The following METAP1 variants were observed in gnomAD, a reference collection of about 807,000 sequenced individuals.
METAP1 encodes the protein methionine aminopeptidase 1.
A neutral mutation model predicts 53.8 loss-of-function variants in METAP1; 28 were observed. That is an observed-to-expected ratio of 0.52 (90% CI 0.39 to 0.71). The LOEUF is 0.71. Ranked by LOEUF, METAP1 falls within the 30% of genes least tolerant of loss-of-function variation. The pLI, the probability that METAP1 is intolerant of heterozygous loss-of-function variation, is 0.00. For synonymous variants in METAP1, 181 were observed against 165.7 expected (o/e 1.09, Z -0.71); for missense variants, 389 against 479.8 (o/e 0.81, Z 1.77).
intron 1 of METAP1, among the ~76,000 whole-genome samples, chr4:99,006,500 T>C (rs1723185706): frequency 6.6e-6 from 1 of 152,176 alleles, no homozygotes; most frequent in Non-Finnish European, 1.5e-5. Context: ...TGTTGAAATA[T>C]TTTGGGAATA....
chr4:99,039,118 T>C, intron 4 of METAP1: 1 of 318,192 alleles, frequency 3.1e-6, no homozygotes, highest in South Asian at 6.5e-5. Context: ...TAATAAGTAC[T>C]CTATAAGTAT....
At position 99,061,285 on chromosome 4, in the gene METAP1, A is replaced by G; in HGVS notation, c.1129A>G (p.Ser377Gly). The G allele has an allele frequency of 1.2e-6, 2 of 1,613,848 alleles. No individual in the cohort carries two copies. The highest frequency in any genetic ancestry group is 8.5e-7 in the Non-Finnish European group (1 of 1,179,810). Residue 377 changes from serine (S) to glycine (G), a missense_variant, in exon 11 of 11, where the codon AGT becomes GGT. Ser to Gly is a moderately conservative substitution (Grantham distance 56). Coordinates refer to ENST00000296411, the MANE Select transcript of METAP1 (RefSeq NM_015143.3). ...GCEILTRRLD[S>G]ARPHFMSQF The stretch of plus-strand genomic sequence containing the variant: ...TGAAATCCTAACCCGGCGACTTGAC[A>G]GTGCACGGCCTCACTTCATGTCTCA...
Position 99,043,407 on chromosome 4 carries a change from T to C in METAP1, c.655+20T>C. On this transcript the variant is annotated intron_variant, in intron 7 of 10. Transcript: ENST00000296411. ...TTAATGGTAAGAAAAATATGTTACT[T>C]TCATCACCATGGGCAAAGAAACAAC... 1 of 1,567,000 alleles carries C rather than the reference T, an allele frequency of 6.4e-7. No homozygotes were observed. The highest frequency in any genetic ancestry group is 8.6e-7 in the Non-Finnish European group (1 of 1,156,144).
intron 1 of METAP1, among the ~76,000 whole-genome samples, chr4:98,997,020 T>G (rs1003108359): frequency 2.6e-5 from 4 of 152,214 alleles, no homozygotes; most frequent in Non-Finnish European, 5.9e-5. Flanking sequence ...TTTCACAAGC[T>G]TCTTCTGAGA....
chr4:98,998,380 G>A (rs1261840730), intron 1 of METAP1, among the ~76,000 whole-genome samples: 1 of 152,096 alleles, frequency 6.6e-6, no homozygotes, highest in Admixed American at 6.5e-5. Flanking sequence ...AAAATTAGCT[G>A]GGCGTGGTGG....
In METAP1 at chr4:99,034,324, C is replaced by T; in HGVS notation, c.261C>T (p.Leu87=). 2 of 1,531,628 alleles carry T rather than the reference C, an allele frequency of 1.3e-6. No homozygotes were observed. The highest frequency in any genetic ancestry group is 1.8e-6 in the Non-Finnish European group (2 of 1,129,052). The allele number at this position is 1,531,628 out of a possible 1,614,324, so 94.9% of individuals were successfully genotyped here. A position where few individuals can be genotyped will look rare whatever the true frequency, so the allele number is the denominator to read the frequency against. Residue 87 remains leucine, a synonymous_variant, in exon 3 of 11, where the codon CTC becomes CTT. Transcript: ENST00000296411. ...CAGGTTATCGATATACTGGTAAACTCAGACCACATTATCCACTGGTGAGTA... is the reference window on the plus strand; with the variant it reads ...CAGGTTATCGATATACTGGTAAACTTAGACCACATTATCCACTGGTGAGTA... The part of the protein sequence containing the change: ...PWAGYRYTGK[L]RPHYPLMPTR...
rs375089139 is a variant in METAP1 at position 99,039,437 on chromosome 4, A to G, written c.404A>G (p.Asp135Gly). 6.2e-7 allele frequency: 1 copy of G among 1,609,666 alleles called. No homozygotes were observed. The highest frequency in any genetic ancestry group is 1.7e-5 in the Admixed American group (1 of 59,914). The part of the protein sequence containing the change: ...TSQIKLLSSE[D>G]IEGMRLVCRL... ...CAGATTAAATTACTCTCATCTGAAG[A>G]TATAGAAGGGATGCGACTTGTATGT... is the stretch of plus-strand genomic sequence containing the variant. The change falls in exon 5 of 11, where the codon GAT (aspartate) becomes GGT (glycine). Residue 135 changes from aspartate to glycine, a missense_variant. Asp to Gly is a moderately conservative substitution (Grantham distance 94, BLOSUM62 -1). Coordinates refer to ENST00000296411, the MANE Select transcript of METAP1 (RefSeq NM_015143.3).
chr4:99,029,585 C>T (rs1405532517), intron 2 of METAP1, among the ~76,000 whole-genome samples: 1 of 152,126 alleles, frequency 6.6e-6, no homozygotes, highest in Non-Finnish European at 1.5e-5. Context: ...CAAGGGCTTT[C>T]TGTTCTATAT....
At chr4:99,057,308 C>T (rs1037150842) in intron 9 of METAP1, among the ~76,000 whole-genome samples, 2 of 152,218 alleles carry the variant, frequency 1.3e-5, no homozygotes, top group African/African-American at 4.8e-5. Context: ...TGCTTACCCC[C>T]CAAAGCGGTG....
At chr4:99,001,087 A>G (rs1356403486) in intron 1 of METAP1, among the ~76,000 whole-genome samples, 2 of 152,144 alleles carry the variant, frequency 1.3e-5, no homozygotes, top group Non-Finnish European at 2.9e-5. Context: ...TTGAAATGCA[A>G]CCCTGCCCTC....
chr4:99,045,110 T>C (rs1422763330), intron 7 of METAP1, 69 bp from the exon 8 acceptor site: 4 of 1,492,962 alleles, frequency 2.7e-6, no homozygotes, highest in South Asian at 1.2e-5. Flanking sequence ...GATGCTGTCA[T>C]GTTGGAAAAA....
At chr4:99,037,160 T>C (rs898484161) in intron 4 of METAP1, among the ~76,000 whole-genome samples, 62 of 151,952 alleles carry the variant, frequency 4.1e-4, no homozygotes, top group Admixed American at 3.3e-4. Flanking sequence ...TTTTTCCCTG[T>C]TAGAGTACTA....
rs529211726 is a variant in METAP1, at chr4:99,022,763, C to T, written c.115-6104C>T. The T allele has an allele frequency of 1.5e-5, 24 of 1,602,102 alleles. No homozygotes were observed. In the African/African-American group the frequency reaches 2.9e-4, roughly 20 times the overall value. ...GGTACCCATAGGCGTGTTGTGTAGA[C>T]TGGCCGCCACACTCTTGGCTATGCG... On this transcript the variant is annotated intron_variant, in intron 1 of 10. Coordinates refer to ENST00000296411, the MANE Select transcript of METAP1 (RefSeq NM_015143.3).
At chr4:98,997,108 A>G (rs1035310794) in intron 1 of METAP1, among the ~76,000 whole-genome samples, 1 of 152,234 alleles carries the variant, frequency 6.6e-6, no homozygotes, top group African/African-American at 2.4e-5. Context: ...GTACGATTTA[A>G]CTCTGCCATA....
chr4:99,006,108 C>T (rs1723165889), intron 1 of METAP1, among the ~76,000 whole-genome samples: 1 of 152,066 alleles, frequency 6.6e-6, no homozygotes, highest in African/African-American at 2.4e-5. Context: ...TTATTTTTGC[C>T]AGTCTGGAGT....
chr4:99,031,558 C>T (rs1169914077), intron 2 of METAP1: 16 of 1,288,766 alleles, frequency 1.2e-5, no homozygotes, highest in East Asian at 5.5e-5. Flanking sequence ...ACTTTGTGAC[C>T]ATGGGTTATT....
At chr4:99,022,896 T>G (rs1724238858) in intron 1 of METAP1, 1 of 1,513,868 alleles carries the variant, frequency 6.6e-7, no homozygotes. Flanking sequence ...AAACCAGTCC[T>G]CAGCCTGAAA....
At chr4:99,008,751 G>A (rs1723310088) in intron 1 of METAP1, among the ~76,000 whole-genome samples, 1 of 152,130 alleles carries the variant, frequency 6.6e-6, no homozygotes, top group Admixed American at 6.6e-5. Flanking sequence ...TGCCTAATCA[G>A]TGCTTGGTAT....
intron 1 of METAP1, among the ~76,000 whole-genome samples, chr4:99,015,061 A>G (rs897730271): frequency 6.6e-6 from 1 of 152,136 alleles, no homozygotes; most frequent in Non-Finnish European, 1.5e-5. Flanking sequence ...ACACACTCCA[A>G]ATCCGTCGCA....
Sources: allele counts gnomAD v4.1 joint callset (sites outside exome capture counted in the v4.1 genomes callset), GRCh38; gene constraint gnomAD v4.1.1; transcripts MANE v1.5; gene names NCBI Gene and HGNC (gene_info 2026-07-23, HGNC 2026-07-21).